TMEM17: variants seen among roughly 807,000 people sequenced by gnomAD.
TMEM17 encodes the protein transmembrane protein 17.
TMEM17 carries 15 observed loss-of-function variants against 19.1 expected under a neutral mutation model. The observed-to-expected ratio is 0.78, with a 90% confidence interval of 0.52 to 1.21. The LOEUF (loss-of-function observed/expected upper bound fraction) is 1.21. Among genes scored for constraint, TMEM17 ranks in the 50% most tolerant of loss-of-function variants. The pLI, the probability that TMEM17 is intolerant of heterozygous loss-of-function variation, is 0.00. For missense variants in TMEM17, 245 were observed against 242.3 expected, an observed-to-expected ratio of 1.01 and a Z score of -0.07; for synonymous variants, 103 against 86.9, an observed-to-expected ratio of 1.19 and a Z score of -1.03.
the TMEM17 span, among the ~76,000 whole-genome samples, chr2:62,461,533 C>T: frequency 2.0e-5 from 3 of 152,200 alleles, no homozygotes; most frequent in Non-Finnish European, 2.9e-5. Context: ...CTGTCTTCCT[C>T]TCCTTGGCCC....
chr2:62,481,859 G>A, the TMEM17 span, among the ~76,000 whole-genome samples: 1 of 152,086 alleles, frequency 6.6e-6, no homozygotes, highest in African/African-American at 2.4e-5. Flanking sequence ...AAGTGCAGGT[G>A]AGAAAAAGGA....
At chr2:62,497,068 G>GA (rs1325867747), downstream of TMEM17, among the ~76,000 whole-genome samples, 32 of 152,246 alleles carry the variant, frequency 2.1e-4, no homozygotes, top group African/African-American at 7.2e-4. Flanking sequence ...AGATGAATTA[G>GA]AAAAAAGACC....
chr2:62,487,524 GATA>G, the TMEM17 span, among the ~76,000 whole-genome samples: 7 of 152,154 alleles, frequency 4.6e-5, no homozygotes, highest in African/African-American at 1.7e-4. Context: ...TGCCCACCAT[GATA>G]ATAAGCCCTC....
At chr2:62,460,513 C>T in the TMEM17 span, among the ~76,000 whole-genome samples, 1 of 152,204 alleles carries the variant, frequency 6.6e-6, no homozygotes, top group Non-Finnish European at 1.5e-5. Context: ...CAACATTTCA[C>T]CATTATGTTC....
At chr2:62,505,992 G>A in intron 1 of TMEM17, 38 bp downstream of exon 1, 1 of 1,560,562 alleles carries the variant, frequency 6.4e-7, no homozygotes, top group Non-Finnish European at 8.7e-7. Context: ...CAAGCCCTCG[G>A]CAGGCCACAC....
At chr2:62,504,237 A>G (rs897868608) in intron 1 of TMEM17, among the ~76,000 whole-genome samples, 1 of 152,234 alleles carries the variant, frequency 6.6e-6, no homozygotes, top group African/African-American at 2.4e-5. Context: ...TGTTTATTAA[A>G]TTACCACTGA....
At chr2:62,502,612 G>A (rs1163595398) in intron 2 of TMEM17, 62 bp from the exon 3 acceptor site, 2 of 1,431,404 alleles carry the variant, frequency 1.4e-6, no homozygotes, top group African/African-American at 2.9e-5. Flanking sequence ...ATTTAAGATA[G>A]AAAAAATTAT....
the TMEM17 span, among the ~76,000 whole-genome samples, chr2:62,492,174 G>C: frequency 1.3e-5 from 2 of 152,126 alleles, no homozygotes. Context: ...TTTAGAGAGA[G>C]GGAGCACTGC....
Position 62,506,175 on chromosome 2 carries a change from G to T in TMEM17, c.-46C>A. On this transcript the variant is annotated 5_prime_UTR_variant, in exon 1 of 4. Coordinates refer to ENST00000335390, the MANE Select transcript of TMEM17 (RefSeq NM_198276.3). Reference sequence around the variant, plus strand: ...CACCCCCTCAGACACGGGCTAGTCTGCGGGCGCTCCGAGGCTCCGTGGTTC... The same window carrying T: ...CACCCCCTCAGACACGGGCTAGTCTTCGGGCGCTCCGAGGCTCCGTGGTTC... 6.6e-7 allele frequency: 1 copy of T among 1,519,312 alleles called. No individual in the cohort carries two copies. The highest frequency in any genetic ancestry group is 1.2e-5 in the South Asian group (1 of 81,420). The allele number at this position is 1,519,312 out of a possible 1,614,324, so 94.1% of individuals were successfully genotyped here. A position where few individuals can be genotyped will look rare whatever the true frequency, so the allele number is the denominator to read the frequency against.
chr2:62,502,533 G>A lies in TMEM17; in HGVS notation c.222C>T (p.Asp74=). The part of the protein sequence containing the change: ...MLHMKYSILP[D]YYKFIVITVI... Reference sequence around the variant, plus strand: ...CAGTGATCACAATGAATTTGTAGTAGTCAGGTAAGATTGAATACTAAAAGA... The same window carrying A: ...CAGTGATCACAATGAATTTGTAGTAATCAGGTAAGATTGAATACTAAAAGA... Residue 74 remains aspartate (D), a synonymous_variant, in exon 3 of 4, where the codon GAC becomes GAT. Coordinates refer to ENST00000335390, the MANE Select transcript of TMEM17 (RefSeq NM_198276.3). 1 of 1,602,710 alleles carries A rather than the reference G, an allele frequency of 6.2e-7. No individual in the cohort carries two copies. The highest frequency in any genetic ancestry group is 8.5e-7 in the Non-Finnish European group (1 of 1,172,284).
the TMEM17 span, among the ~76,000 whole-genome samples, chr2:62,475,837 T>G: frequency 6.6e-6 from 1 of 152,228 alleles, no homozygotes; most frequent in African/African-American, 2.4e-5. Flanking sequence ...CACTTGCGGC[T>G]GTGCAGACCA....
At chr2:62,480,240 T>C in the TMEM17 span, among the ~76,000 whole-genome samples, 1 of 152,190 alleles carries the variant, frequency 6.6e-6, no homozygotes, top group Non-Finnish European at 1.5e-5. Context: ...ACTCAGATCA[T>C]TTGCCCATTT....
the TMEM17 span, among the ~76,000 whole-genome samples, chr2:62,477,251 G>C: frequency 6.6e-6 from 1 of 152,142 alleles, no homozygotes; most frequent in Non-Finnish European, 1.5e-5. Flanking sequence ...ACAAAAATTA[G>C]CCTGGCGTAG....
At chr2:62,488,940 A>G in the TMEM17 span, among the ~76,000 whole-genome samples, 2 of 152,146 alleles carry the variant, frequency 1.3e-5, 1 homozygote, top group South Asian at 4.1e-4. Context: ...CTTTTAGTCA[A>G]TAATACAGGG....
chr2:62,467,300 G>T, the TMEM17 span, among the ~76,000 whole-genome samples: 1 of 151,550 alleles, frequency 6.6e-6, no homozygotes, highest in Non-Finnish European at 1.5e-5. Flanking sequence ...GTTCTCTTGT[G>T]CAGACAGGAT....
downstream of TMEM17, among the ~76,000 whole-genome samples, chr2:62,498,716 A>AAAAAT (rs202244559): frequency 3.4e-3 from 411 of 120,212 alleles, 5 homozygotes; most frequent in African/African-American, 4.6e-3. Context: ...ACTCCGTCTC[A>AAAAAT]AAAATAAAAT....
chr2:62,495,170 T>C, the TMEM17 span, among the ~76,000 whole-genome samples: 1 of 152,240 alleles, frequency 6.6e-6, no homozygotes, highest in African/African-American at 2.4e-5. Context: ...GTTTAGATAA[T>C]GCATGTTGAT....
the TMEM17 span, among the ~76,000 whole-genome samples, chr2:62,469,926 C>A: frequency 3.3e-5 from 5 of 152,198 alleles, no homozygotes; most frequent in African/African-American, 1.2e-4. Flanking sequence ...TTCCGCAGTC[C>A]CTGAGAGAGT....
the TMEM17 span, among the ~76,000 whole-genome samples, chr2:62,453,690 C>G: frequency 6.6e-6 from 1 of 152,310 alleles, no homozygotes; most frequent in East Asian, 1.9e-4. Flanking sequence ...TGTTTGACTC[C>G]TTTACTCTTA....
Sources: gnomAD v4.1 joint callset for allele counts (sites outside exome capture counted in the v4.1 genomes callset) on GRCh38, gnomAD v4.1.1 for gene constraint, MANE v1.5 for transcripts, NCBI Gene and HGNC (gene_info 2026-07-23, HGNC 2026-07-21) for gene names.